The following NALCN variants were observed in gnomAD, a reference collection of about 807,000 sequenced individuals.
The protein encoded by NALCN is sodium leak channel NALCN.
NALCN carries 111 observed loss-of-function variants against 225.3 expected under a neutral mutation model. The observed-to-expected ratio is 0.49, with a 90% CI of 0.42 to 0.58. The LOEUF (loss-of-function observed/expected upper bound fraction) is 0.58. Among genes scored for constraint, NALCN ranks in the 20% least tolerant of loss-of-function variants. NALCN has a pLI of 0.00. For missense variants in NALCN, 1,378 were observed against 2,202.4 expected (o/e 0.63, Z 7.49); for synonymous variants, 764 against 769.0 (o/e 0.99, Z 0.11).
rs770628209 is a variant in NALCN at position 101,061,887 on chromosome 13, C to A, written c.4755+81G>T. On this transcript the variant is annotated intron_variant, in intron 41 of 43. Coordinates refer to ENST00000251127, the MANE Select transcript of NALCN (RefSeq NM_052867.4). ...ACAGAAGGAGCTAATCCCATGTTCACGAAGCTCTTTTCTTTCATCCTCCTG... is the reference window on the plus strand; with the variant it reads ...ACAGAAGGAGCTAATCCCATGTTCAAGAAGCTCTTTTCTTTCATCCTCCTG... 4 of 1,377,200 alleles carry A rather than the reference C, an allele frequency of 2.9e-6. No individual in the cohort carries two copies. The South Asian group carries it at 5.5e-5, about 19-fold the overall frequency. The allele number at this position is 1,377,200 out of a possible 1,614,324, so 85.3% of individuals were successfully genotyped here.
Position 101,389,151 on chromosome 13 carries a change from A to G in NALCN, c.291+6032T>C, listed in dbSNP as rs557023322. On this transcript the variant is annotated intron_variant, in intron 3 of 43. Transcript: ENST00000251127. ...CCTAGCCACATTGTGGAAGATACAG[A>G]CAATTTTGGAATCATCCTGAAATCT... Among the ~76,000 whole-genome samples the G allele has an allele frequency of 5.3e-5, 8 of 152,346 alleles. No individual in the cohort carries two copies. The East Asian group carries it at 1.5e-3, about 29-fold the overall frequency.
At position 101,314,657 on chromosome 13, in the gene NALCN, G is replaced by A. The variant is rs537078707; in HGVS notation, c.800-22291C>T. Among the ~76,000 whole-genome samples the A allele has an allele frequency of 4.6e-5, 7 of 152,088 alleles. No homozygotes were observed. The East Asian group carries it at 5.8e-4, about 13-fold the overall frequency. ...ACTCAGTTCTCTATTCTCGATATTC[G>A]AACAAATGCACAGGACAATTTTTCA... On this transcript the variant is annotated intron_variant, in intron 7 of 43. Transcript: ENST00000251127.
At chr13:101,210,014 C>T (rs1030982004) in intron 13 of NALCN, among the ~76,000 whole-genome samples, 3 of 152,170 alleles carry the variant, frequency 2.0e-5, no homozygotes, top group Non-Finnish European at 4.4e-5. Flanking sequence ...GAAGCAACAG[C>T]AAAAGCCACA....
At chr13:101,091,653 T>C (rs114351985) in intron 28 of NALCN, among the ~76,000 whole-genome samples, 104 of 152,344 alleles carry the variant, frequency 6.8e-4, no homozygotes, top group African/African-American at 2.4e-3. Flanking sequence ...CTAAATTTCA[T>C]ATATTTTACA....
At chr13:101,057,886 GTAAATACCTTTAAAATGCC>G (rs2031455909) in intron 43 of NALCN, 34 bp downstream of exon 43, 1 of 1,408,082 alleles carries the variant, frequency 7.1e-7, no homozygotes, top group Admixed American at 1.7e-5. Flanking sequence ...CACAAACAGA[GTAAATACCTTTAAAATGCC>G]TCGATCGCTG....
intron 37 of NALCN, among the ~76,000 whole-genome samples, chr13:101,069,330 A>G (rs1348692191): frequency 1.3e-5 from 2 of 152,268 alleles, no homozygotes; most frequent in Non-Finnish European, 2.9e-5. Flanking sequence ...CCCAGTGCAC[A>G]TGCAACTCAT....
chr13:101,286,673 C>T (rs763825479), intron 9 of NALCN, among the ~76,000 whole-genome samples: 5 of 152,032 alleles, frequency 3.3e-5, no homozygotes, highest in African/African-American at 7.2e-5. Context: ...AACTAGTATA[C>T]GTGGTTTCTG....
At position 101,254,166 on chromosome 13, in the gene NALCN, C is replaced by T. The variant is rs553055510; in HGVS notation, c.1266+4277G>A. On this transcript the variant is annotated intron_variant, in intron 11 of 43. Coordinates refer to ENST00000251127, the MANE Select transcript of NALCN (RefSeq NM_052867.4). ...GGGAGGTCAAGATGGATGGATCGCT[C>T]GAGCCCAGGAGTTTGAGACCAGCCT... is the stretch of plus-strand genomic sequence containing the variant. Among the ~76,000 whole-genome samples the T allele has an allele frequency of 7.2e-3, 1,085 of 151,590 alleles. 16 individuals are homozygous for T. Among genetic ancestry groups the T allele is most frequent in the African/African-American group, 0.025 (1,028 of 41,344 alleles).
Position 101,346,087 on chromosome 13 carries a change from C to CTCTCTCTCTCTATATATA in NALCN, c.645-668_645-667insTATATATAGAGAGAGAGA. Among the ~76,000 whole-genome samples, 264 of 70,920 alleles carry CTCTCTCTCTCTATATATA rather than the reference C, an allele frequency of 3.7e-3. 4 individuals carry two copies. The highest frequency in any genetic ancestry group is 5.3e-3 in the Non-Finnish European group (200 of 37,536). The allele number at this position is 70,920 out of a possible 152,430, so 46.5% of individuals were successfully genotyped here. A position where few individuals can be genotyped will look rare whatever the true frequency, so the allele number is the denominator to read the frequency against. Reference sequence around the variant, plus strand: ...TCTCTCTCTCTCTCTCTCTCTCTCTCTATATATATATATATATATATATAT... The same window carrying CTCTCTCTCTCTATATATA: ...TCTCTCTCTCTCTCTCTCTCTCTCTCTCTCTCTCTCTATATATATATATATATATATATATATATATAT... On this transcript the variant is annotated intron_variant, in intron 6 of 43. Coordinates refer to ENST00000251127, the MANE Select transcript of NALCN (RefSeq NM_052867.4).
At chr13:101,346,912 T>C (rs2045757277) in intron 6 of NALCN, among the ~76,000 whole-genome samples, 1 of 152,146 alleles carries the variant, frequency 6.6e-6, no homozygotes, top group African/African-American at 2.4e-5. Flanking sequence ...TACATCAATG[T>C]TTCTAGGAAT....
rs1035606404 is a variant in NALCN at position 101,382,050 on chromosome 13, C to T, written c.292-3397G>A. Reference sequence around the variant, plus strand: ...GAGTAATTATAGATCGTTGAGTACACGGGCACCCAAATAGGATGAATTTAT... The same window carrying T: ...GAGTAATTATAGATCGTTGAGTACATGGGCACCCAAATAGGATGAATTTAT... On this transcript the variant is annotated intron_variant, in intron 3 of 43. Coordinates refer to ENST00000251127, the MANE Select transcript of NALCN (RefSeq NM_052867.4). Among the ~76,000 whole-genome samples, 9 of 152,166 alleles carry T rather than the reference C, an allele frequency of 5.9e-5. No homozygotes were observed. The South Asian group carries it at 6.2e-4, about 11-fold the overall frequency.
At chr13:101,345,721 A>G (rs1269790453) in intron 6 of NALCN, among the ~76,000 whole-genome samples, 8 of 111,602 alleles carry the variant, frequency 7.2e-5, no homozygotes, top group African/African-American at 3.0e-4. Flanking sequence ...TATCTATCTA[A>G]GAGTACAGCA....
intron 7 of NALCN, among the ~76,000 whole-genome samples, chr13:101,320,009 T>C (rs1161180534): frequency 6.6e-6 from 1 of 152,184 alleles, no homozygotes; most frequent in Non-Finnish European, 1.5e-5. Context: ...GATAGTTAAC[T>C]AATCTTGTTC....
chr13:101,219,385 G>A (rs2040854705), intron 13 of NALCN, among the ~76,000 whole-genome samples: 1 of 152,154 alleles, frequency 6.6e-6, no homozygotes, highest in African/African-American at 2.4e-5. Context: ...CCGGCATGCT[G>A]AGCCTCACCC....
chr13:101,164,378 A>G (rs549195366), intron 15 of NALCN, among the ~76,000 whole-genome samples: 1 of 152,034 alleles, frequency 6.6e-6, no homozygotes, highest in East Asian at 1.9e-4. Context: ...TGCAGCCTTG[A>G]CCTCCCAGGC....
chr13:101,133,427 C>T (rs1013276237), intron 17 of NALCN, among the ~76,000 whole-genome samples: 2 of 152,096 alleles, frequency 1.3e-5, no homozygotes, highest in Non-Finnish European at 2.9e-5. Context: ...CACAAAACCA[C>T]GGTCCAATGA....
At position 101,257,212 on chromosome 13, in the gene NALCN, T is replaced by G. The variant is rs1014350265; in HGVS notation, c.1266+1231A>C. On this transcript the variant is annotated intron_variant, in intron 11 of 43. Transcript: ENST00000251127. Reference sequence around the variant, plus strand: ...CACAAAACTCTTATTGTTTATTGTTTTTTTTTTTTTTTTTTGCTAGATTGT... The same window carrying G: ...CACAAAACTCTTATTGTTTATTGTTGTTTTTTTTTTTTTTTGCTAGATTGT... Among the ~76,000 whole-genome samples the G allele has an allele frequency of 6.8e-5, 10 of 146,256 alleles. No individual in the cohort carries two copies. The East Asian group carries it at 1.4e-3, about 20-fold the overall frequency.
intron 26 of NALCN, among the ~76,000 whole-genome samples, chr13:101,101,726 C>T (rs955734924): frequency 2.0e-5 from 3 of 152,158 alleles, no homozygotes; most frequent in African/African-American, 7.2e-5. Flanking sequence ...TGTTAATTAA[C>T]TCATGCTCCC....
intron 10 of NALCN, among the ~76,000 whole-genome samples, chr13:101,279,690 G>A (rs1482314462): frequency 2.7e-5 from 4 of 148,914 alleles, no homozygotes; most frequent in Admixed American, 1.3e-4. Flanking sequence ...AGTGGCGGGC[G>A]CCTGTAGTCC....
Sources: allele counts gnomAD v4.1 joint callset (sites outside exome capture counted in the v4.1 genomes callset), GRCh38; gene constraint gnomAD v4.1.1; transcripts MANE v1.5; gene names NCBI Gene and HGNC (gene_info 2026-07-23, HGNC 2026-07-21).